The following TLN2 variants were observed in gnomAD, a reference collection of about 807,000 sequenced individuals.
TLN2 encodes the protein talin 2.
Under a neutral mutation model 294.7 loss-of-function variants are expected in TLN2, and 118 were observed. That is an observed-to-expected ratio of 0.40 (90% CI 0.34 to 0.47). TLN2 has a LOEUF of 0.47. Among genes scored for constraint, TLN2 ranks in the 20% least tolerant of loss-of-function variants. TLN2 has a pLI of 0.84. For synonymous variants in TLN2, 1,431 were observed against 1,304.5 expected, an observed-to-expected ratio of 1.10 and a Z score of -2.09; for missense variants, 3,083 against 3,282.2, an observed-to-expected ratio of 0.94 and a Z score of 1.48.
At position 62,843,192 on chromosome 15, in the gene TLN2, G is replaced by A. The variant is rs1382564625; in HGVS notation, c.*2582G>A. ...GAAGAGAGAGCCGGTGTGTTGACAT[G>A]TGGTTCTTCTCACACCCCTCTACTC... On this transcript the variant is annotated 3_prime_UTR_variant, in exon 59 of 59. Coordinates refer to ENST00000636159, the MANE Select transcript of TLN2 (RefSeq NM_015059.3). 1 of 152,216 alleles carries A rather than the reference G, an allele frequency of 6.6e-6. No individual in the cohort carries two copies. The highest frequency in any genetic ancestry group is 6.5e-5 in the Admixed American group (1 of 15,280). The allele number at this position is 152,216 out of a possible 1,614,324, so 9.4% of individuals were successfully genotyped here.
intron 10 of TLN2, 64 bp from the exon 11 acceptor site, chr15:62,675,153 T>A (rs759887835): frequency 4.7e-5 from 70 of 1,479,702 alleles, no homozygotes; most frequent in Non-Finnish European, 6.6e-5. Context: ...AGTAACTACC[T>A]CTCTCCAAGT....
At chr15:62,608,850 A>G (rs906147266) in intron 2 of TLN2, among the ~76,000 whole-genome samples, 6 of 152,012 alleles carry the variant, frequency 3.9e-5, no homozygotes, top group African/African-American at 1.5e-4. Flanking sequence ...CTAGGAGAGA[A>G]CTTGAGGAGA....
chr15:62,467,459 G>A (rs1022966723), intron 1 of TLN2, among the ~76,000 whole-genome samples: 1 of 152,138 alleles, frequency 6.6e-6, no homozygotes, highest in African/African-American at 2.4e-5. Flanking sequence ...TTGGGAGGTC[G>A]AGGTGGGTGG....
intron 36 of TLN2, 115 bp from the exon 37 acceptor site, chr15:62,755,417 G>C: frequency 1.5e-6 from 2 of 1,310,440 alleles, no homozygotes; most frequent in Non-Finnish European, 2.1e-6. Flanking sequence ...AGACATGCTT[G>C]TAATTACACA....
chr15:62,724,001 T>A (rs2060299292), intron 26 of TLN2, among the ~76,000 whole-genome samples: 1 of 151,962 alleles, frequency 6.6e-6, no homozygotes, highest in South Asian at 2.1e-4. Flanking sequence ...ATACAAAAAT[T>A]AGCCAGGTTG....
chr15:62,487,913 T>A (rs574787181), intron 1 of TLN2, among the ~76,000 whole-genome samples: 47 of 149,468 alleles, frequency 3.1e-4, no homozygotes, highest in Non-Finnish European at 4.9e-4. Context: ...AAAAAATAAA[T>A]AAATAAATAA....
intron 1 of TLN2, among the ~76,000 whole-genome samples, chr15:62,472,801 G>C (rs1324263049): frequency 6.6e-6 from 1 of 152,188 alleles, no homozygotes. Flanking sequence ...GATGACTTGA[G>C]CATTCGTTGA....
At chr15:62,677,711 CCT>C (rs1254983066) in intron 11 of TLN2, among the ~76,000 whole-genome samples, 2 of 151,586 alleles carry the variant, frequency 1.3e-5, no homozygotes, top group African/African-American at 4.9e-5. Flanking sequence ...CTCTCCCTTT[CCT>C]CTCTTTCTTT....
intron 9 of TLN2, among the ~76,000 whole-genome samples, chr15:62,663,744 A>G (rs1286399941): frequency 2.0e-5 from 3 of 152,040 alleles, no homozygotes; most frequent in Non-Finnish European, 2.9e-5. Flanking sequence ...TCACCAATAA[A>G]ATGATAAAAG....
At chr15:62,770,320 C>T (rs879782517) in intron 41 of TLN2, among the ~76,000 whole-genome samples, 24 of 152,326 alleles carry the variant, frequency 1.6e-4, no homozygotes, top group Middle Eastern at 3.4e-3. Flanking sequence ...AGCTGGTAGG[C>T]GAGCTTTAGT....
In TLN2 at chr15:62,576,740, A is replaced by G. The variant is rs1010234480; in HGVS notation, c.-237-12947A>G. ...AAGACTTTGCTGTTTGAATATATAT[A>G]TATTTATTCATTCTATTTTTGACAA... is the stretch of plus-strand genomic sequence containing the variant. On this transcript the variant is annotated intron_variant, in intron 1 of 58. Transcript: ENST00000636159. 2.2e-5 allele frequency among the ~76,000 whole-genome samples: 3 copies of G among 133,644 alleles called. No individual in the cohort carries two copies. The South Asian group carries it at 7.3e-4, about 32-fold the overall frequency. The allele number at this position is 133,644 out of a possible 152,430, so 87.7% of individuals were successfully genotyped here.
At chr15:62,478,585 G>A (rs2037914088) in intron 1 of TLN2, among the ~76,000 whole-genome samples, 1 of 152,074 alleles carries the variant, frequency 6.6e-6, no homozygotes, top group Admixed American at 6.6e-5. Context: ...AGCTCTCCAG[G>A]GGGACTCGAT....
At chr15:62,797,423 G>T (rs747358628) in intron 48 of TLN2, 21 bp downstream of exon 48, 2 of 1,571,968 alleles carry the variant, frequency 1.3e-6, no homozygotes, top group Admixed American at 3.8e-5. Flanking sequence ...GGCCTGGGGA[G>T]TGCGTCCTCC....
intron 1 of TLN2, among the ~76,000 whole-genome samples, chr15:62,581,244 T>C (rs1160244401): frequency 6.6e-6 from 1 of 152,186 alleles, no homozygotes; most frequent in Non-Finnish European, 1.5e-5. Flanking sequence ...GAGTTGGAAT[T>C]GTATAGTATG....
At chr15:62,746,551 A>G (rs1379112052) in intron 32 of TLN2, among the ~76,000 whole-genome samples, 2 of 152,256 alleles carry the variant, frequency 1.3e-5, no homozygotes, top group Non-Finnish European at 2.9e-5. Context: ...TGAAAGCAGT[A>G]TCTCCTCATC....
chr15:62,829,756 G>T (rs1449244302), intron 54 of TLN2: 1 of 151,952 alleles, frequency 6.6e-6, no homozygotes, highest in Non-Finnish European at 1.5e-5. Context: ...CTATTTTTTT[G>T]TACCCATGAA....
chr15:62,658,109 A>G (rs972710495), intron 9 of TLN2: 1 of 378,444 alleles, frequency 2.6e-6, no homozygotes, highest in East Asian at 5.1e-5. Context: ...ATAGAAATTC[A>G]GTGATCTGTG....
intron 51 of TLN2, among the ~76,000 whole-genome samples, chr15:62,808,359 A>G (rs2066439524): frequency 6.6e-6 from 1 of 152,070 alleles, no homozygotes; most frequent in South Asian, 2.1e-4. Flanking sequence ...TTATCTTCCC[A>G]CTGTTGACAG....
chr15:62,520,647 A>C (rs1567053137), intron 1 of TLN2, among the ~76,000 whole-genome samples: 1 of 152,232 alleles, frequency 6.6e-6, no homozygotes, highest in Non-Finnish European at 1.5e-5. Context: ...ATAGAGACCA[A>C]GGAGGTGGTT....
Sources: allele counts gnomAD v4.1 joint callset (sites outside exome capture counted in the v4.1 genomes callset), GRCh38; gene constraint gnomAD v4.1.1; transcripts MANE v1.5; gene names NCBI Gene and HGNC (gene_info 2026-07-23, HGNC 2026-07-21).